KLC4: variants seen among roughly 807,000 people sequenced by gnomAD.
The protein encoded by KLC4 is kinesin light chain 4.
In KLC4, 49 loss-of-function variants were observed where a neutral mutation model predicts 77.2. That is an observed-to-expected ratio of 0.63 (90% CI 0.50 to 0.80). The LOEUF is 0.80. Among genes scored for constraint, KLC4 ranks in the 30% least tolerant of loss-of-function variants. The pLI is 0.00. For missense variants in KLC4, 669 were observed against 793.5 expected, an observed-to-expected ratio of 0.84 and a Z score of 1.89; for synonymous variants, 274 against 314.5, an observed-to-expected ratio of 0.87 and a Z score of 1.36.
intron 10 of KLC4, 82 bp from the exon 11 acceptor site, chr6:43,071,770 A>AT: frequency 6.6e-7 from 1 of 1,517,622 alleles, no homozygotes; most frequent in South Asian, 1.2e-5. Context: ...CCCTAGCCCC[A>AT]TGCCACCTTG....
chr6:43,064,805 G>A (rs187549446), intron 3 of KLC4, among the ~76,000 whole-genome samples: 13 of 152,322 alleles, frequency 8.5e-5, no homozygotes, highest in Non-Finnish European at 1.3e-4. Flanking sequence ...TGCAGTTCCT[G>A]ATGGGGAAAA....
intron 1 of KLC4, chr6:43,060,010 C>G (rs1438449877): frequency 7.0e-7 from 1 of 1,419,948 alleles, no homozygotes; most frequent in Non-Finnish European, 9.2e-7. Context: ...CCCTGGGCAC[C>G]AGGGCAGGTC....
rs372883475 is a variant in KLC4, at chr6:43,061,314, G to A, written c.-22G>A. 1.8e-5 allele frequency: 29 copies of A among 1,612,014 alleles called. No homozygotes were observed. The African/African-American group carries it at 1.9e-4, about 10-fold the overall frequency. ...GAACTCTGTTGTTTCTCCCTAGACC[G>A]GGCAAGGTCCCCCAGGCCAGGATGT... On this transcript the variant is annotated 5_prime_UTR_variant, in exon 2 of 16. Coordinates refer to ENST00000347162, the MANE Select transcript of KLC4 (RefSeq NM_201521.3).
rs1765667164 is a variant in KLC4 at position 43,070,557 on chromosome 6, A to C, written c.981+102A>C. On this transcript the variant is annotated intron_variant, in intron 7 of 15. Coordinates refer to ENST00000347162, the MANE Select transcript of KLC4 (RefSeq NM_201521.3). ...CCTTCACTTTTTTTTTCTCACCCCC[A>C]TCTCTGCTTTGTTCTCTCTTCCTTC... 2.9e-6 allele frequency: 4 copies of C among 1,371,964 alleles called. No homozygotes were observed. In the African/African-American group the frequency reaches 5.8e-5, roughly 20 times the overall value. 85.0% of individuals were successfully genotyped at this position (1,371,964 alleles called of 1,614,324 possible). A position where few individuals can be genotyped will look rare whatever the true frequency, so the allele number is the denominator to read the frequency against.
intron 1 of KLC4, among the ~76,000 whole-genome samples, chr6:43,060,846 C>T (rs137964674): frequency 6.6e-6 from 1 of 152,282 alleles, no homozygotes; most frequent in African/African-American, 2.4e-5. Context: ...CCTTTCTTCC[C>T]TGATTTAACT....
intron 3 of KLC4, among the ~76,000 whole-genome samples, chr6:43,063,834 G>A (rs1451952619): frequency 1.3e-5 from 2 of 152,110 alleles, no homozygotes; most frequent in African/African-American, 2.4e-5. Context: ...GATTACAGGT[G>A]TGAGCTACCA....
intron 2 of KLC4, among the ~76,000 whole-genome samples, chr6:43,061,802 G>A (rs1028277057): frequency 6.6e-6 from 1 of 152,150 alleles, no homozygotes; most frequent in Admixed American, 6.5e-5. Flanking sequence ...TTGCCATCTT[G>A]GAGGTTACCT....
chr6:43,071,183 C>A, intron 8 of KLC4, 92 bp from the exon 9 acceptor site: 1 of 750,046 alleles, frequency 1.3e-6, no homozygotes, highest in South Asian at 1.7e-5. Context: ...CTCCCTGAGC[C>A]TGGTGAAGAC....
intron 15 of KLC4, chr6:43,074,347 T>C: frequency 2.0e-6 from 1 of 495,864 alleles, no homozygotes; most frequent in Non-Finnish European, 3.6e-6. Flanking sequence ...AAAACACTAG[T>C]GATATTTTAA....
chr6:43,070,593 C>G, intron 7 of KLC4, 99 bp from the exon 8 acceptor site: 1 of 1,454,292 alleles, frequency 6.9e-7, no homozygotes, highest in Non-Finnish European at 9.5e-7. Flanking sequence ...ATTCCCTTTC[C>G]TCTGCTTTCC....
At chr6:43,065,497 A>G (rs1366154622) in intron 3 of KLC4, 123 bp from the exon 4 acceptor site, 2 of 636,436 alleles carry the variant, frequency 3.1e-6, no homozygotes, top group East Asian at 2.7e-5. Context: ...CCAGGGGCAG[A>G]GACAGGAACA....
chr6:43,065,124 G>A (rs1358140324), intron 3 of KLC4, among the ~76,000 whole-genome samples: 1 of 152,078 alleles, frequency 6.6e-6, no homozygotes, highest in Non-Finnish European at 1.5e-5. Flanking sequence ...GCCCAGGCTG[G>A]AGTGCAATGG....
chr6:43,060,150 G>T, intron 1 of KLC4: 1 of 1,604,424 alleles, frequency 6.2e-7, no homozygotes, highest in Non-Finnish European at 8.5e-7. Flanking sequence ...CATTGTGGAG[G>T]CACCCTACGG....
chr6:43,071,336 T>C lies in KLC4; in HGVS notation c.1217T>C (p.Leu406Pro), dbSNP rs1161214685. 1.2e-5 allele frequency: 20 copies of C among 1,613,886 alleles called. No homozygotes were observed. The highest frequency in any genetic ancestry group is 1.6e-5 in the Non-Finnish European group (19 of 1,179,918). ...GCTGAGACACTATACAAAGAGATCC[T>C]GACCCGTGCCCATGTACAGGAGTTT... The part of the protein sequence containing the change: ...AEAETLYKEI[L>P]TRAHVQEFGS... Residue 406 changes from leucine to proline, a missense_variant, in exon 9 of 16, where the codon CTG (leucine) becomes CCG (proline). Leu to Pro is a moderately conservative substitution (Grantham distance 98, BLOSUM62 -3). Coordinates refer to ENST00000347162, the MANE Select transcript of KLC4 (RefSeq NM_201521.3).
intron 12 of KLC4, 126 bp from the exon 13 acceptor site, chr6:43,072,698 G>T (rs1001903542): frequency 2.3e-5 from 18 of 794,322 alleles, no homozygotes; most frequent in Non-Finnish European, 3.7e-5. Flanking sequence ...TATTCCAGTA[G>T]GTATAAACTG....
At chr6:43,072,322 T>G (rs1765775312) in intron 12 of KLC4, 67 bp downstream of exon 12, 1 of 1,184,338 alleles carries the variant, frequency 8.4e-7, no homozygotes, top group Non-Finnish European at 1.3e-6. Context: ...GTGCCGAGGT[T>G]TCTTGGGAGT....
At chr6:43,071,200 TAAAA>T (rs540602192) in intron 8 of KLC4, 71 bp from the exon 9 acceptor site, 2,833 of 636,576 alleles carry the variant, frequency 4.5e-3, no homozygotes, top group Middle Eastern at 5.1e-3. Flanking sequence ...AGACCTTGTC[TAAAA>T]AAAAAAAAAA....
intron 15 of KLC4, 34 bp from the exon 16 acceptor site, chr6:43,074,588 C>T (rs935930823): frequency 6.2e-7 from 1 of 1,605,726 alleles, no homozygotes; most frequent in African/African-American, 1.3e-5. Flanking sequence ...AGGCCGAGGT[C>T]CCTGAGCTGA....
intron 1 of KLC4, 112 bp downstream of exon 1, chr6:43,059,797 G>A: frequency 8.5e-7 from 1 of 1,169,646 alleles, no homozygotes; most frequent in Non-Finnish European, 1.1e-6. Context: ...CAAAACTCCA[G>A]CCTCCAAAAC....
Sources: allele counts gnomAD v4.1 joint callset (sites outside exome capture counted in the v4.1 genomes callset), GRCh38; gene constraint gnomAD v4.1.1; transcripts MANE v1.5; gene names NCBI Gene and HGNC (gene_info 2026-07-23, HGNC 2026-07-21).